Variants in MYBBP1A observed in about 807,000 individuals in gnomAD.
MYBBP1A encodes the protein myb-binding protein 1A.
In MYBBP1A, 147 loss-of-function variants were observed where a neutral mutation model predicts 136.3. That is an observed-to-expected ratio of 1.08 (90% confidence interval 0.94 to 1.24). The LOEUF is 1.24. Among genes scored for constraint, MYBBP1A ranks in the 50% most tolerant of loss-of-function variants. The probability of loss-of-function intolerance (pLI) is 0.00; values close to 1 mark genes in which losing one functional copy is unlikely to be tolerated. For synonymous variants in MYBBP1A, 947 were observed against 735.8 expected (o/e 1.29, Z -4.65); for missense variants, 2,060 against 1,727.4 (o/e 1.19, Z -3.41).
intron 1 of MYBBP1A, 83 bp from the exon 2 acceptor site, chr17:4,555,039 C>T: frequency 1.3e-6 from 2 of 1,586,408 alleles, no homozygotes; most frequent in South Asian, 2.2e-5. Flanking sequence ...GGTTCGCGAC[C>T]ACGTGCCCCC....
At chr17:4,547,236 C>T (rs2144471001) in intron 13 of MYBBP1A, among the ~76,000 whole-genome samples, 1 of 152,258 alleles carries the variant, frequency 6.6e-6, no homozygotes, top group African/African-American at 2.4e-5. Context: ...AAGGCTCTGA[C>T]ACAGCAAACT....
At chr17:4,545,565 C>G in intron 15 of MYBBP1A, 45 bp downstream of exon 15, 1 of 1,540,238 alleles carries the variant, frequency 6.5e-7, no homozygotes, top group Non-Finnish European at 8.7e-7. Context: ...GCTCGCTGCT[C>G]AGTGAGCCCC....
rs779272084 is a variant in MYBBP1A at position 4,552,182 on chromosome 17, C to T, written c.848G>A (p.Arg283Gln). Reference sequence around the variant, plus strand: ...TTGTTCCACCACCTCCTTCCAGAACCGTGGGAACTTGTCTTCCTTGAGTGC... The same window carrying T: ...TTGTTCCACCACCTCCTTCCAGAACTGTGGGAACTTGTCTTCCTTGAGTGC... ...RLALKEDKFPRFWKEVVEQGL... is the reference protein window; with the variant it reads ...RLALKEDKFPQFWKEVVEQGL... Residue 283 changes from arginine to glutamine, a missense_variant, in exon 7 of 26, where the codon CGG becomes CAG. By Grantham distance (43) the Arg-to-Gln change is conservative (BLOSUM62 1). Coordinates refer to ENST00000254718, the MANE Select transcript of MYBBP1A (RefSeq NM_014520.4). The surrounding 1 kb of genome is among the most constrained non-coding windows in gnomAD (Gnocchi z 4.7). 86 of 1,614,220 alleles carry T rather than the reference C, an allele frequency of 5.3e-5. No individual in the cohort carries two copies. The South Asian group carries it at 6.4e-4, about 12-fold the overall frequency.
rs764067394 is a variant in MYBBP1A, at chr17:4,555,163, C to T, written c.162G>A (p.Thr54=). ...KPEQETRLAA[T]EKLLEYLRGR... The stretch of plus-strand genomic sequence containing the variant: ...CACGCAGATACTCCAGCAGCTTCTC[C>T]GTGGCCGCAAGTCGCGTCTCCTGCT... Residue 54 remains threonine (T), a synonymous_variant, in exon 1 of 26, where the codon ACG becomes ACA. Transcript: ENST00000254718. 9.4e-6 allele frequency: 15 copies of T among 1,602,254 alleles called. No homozygotes were observed. In the Middle Eastern group the frequency reaches 5.0e-4, roughly 53 times the overall value.
At chr17:4,541,412 A>G (rs1906409725) in intron 24 of MYBBP1A, 51 bp downstream of exon 24, 2 of 1,518,204 alleles carry the variant, frequency 1.3e-6, no homozygotes, top group Non-Finnish European at 1.8e-6. Flanking sequence ...GGAGGCCCCA[A>G]GGCCCCCAAG....
chr17:4,554,187 A>T lies in MYBBP1A; in HGVS notation c.378+8T>A. 1.9e-6 allele frequency: 3 copies of T among 1,613,394 alleles called. No individual in the cohort carries two copies. The highest frequency in any genetic ancestry group is 1.7e-6 in the Non-Finnish European group (2 of 1,179,826). On this transcript the variant is annotated splice_region_variant and intron_variant, in intron 3 of 25. Transcript: ENST00000254718. ...TGGGGCTGCTGACCTCCCTGGCCCCACTCTCACCTTCTTCACCTGATGCAG... is the reference window on the plus strand; with the variant it reads ...TGGGGCTGCTGACCTCCCTGGCCCCTCTCTCACCTTCTTCACCTGATGCAG...
chr17:4,548,323 T>C lies in MYBBP1A; in HGVS notation c.1557-13A>G, dbSNP rs1248450025. The C allele has an allele frequency of 1.2e-6, 2 of 1,610,528 alleles. No individual in the cohort carries two copies. Among genetic ancestry groups the C allele is most frequent in the Admixed American group, 1.7e-5 (1 of 59,988 alleles). ...GGTCTGCAACAGACTGGGCAAGGGA[T>C]GGGGCTTGGGGTCAGCAGACCAGAT... On this transcript the variant is annotated splice_polypyrimidine_tract_variant and intron_variant, in intron 11 of 25. Transcript: ENST00000254718. The surrounding 1 kb of genome is among the most constrained non-coding windows in gnomAD (Gnocchi z 4.2).
Position 4,545,167 on chromosome 17 carries a change from G to A in MYBBP1A, c.2169C>T (p.Ser723=), listed in dbSNP as rs148999986. 1,316 of 1,612,840 alleles carry A rather than the reference G, an allele frequency of 8.2e-4. 2 individuals are homozygous for A. Among genetic ancestry groups the A allele is most frequent in the African/African-American group, 9.9e-4 (74 of 74,690 alleles). Residue 723 remains serine (S), a synonymous_variant, in exon 17 of 26, where the codon AGC becomes AGT. Transcript: ENST00000254718. ...AGCTTCTGTTGTCCTCACCTTCCTC[G>A]CTCTTGTCCTGTGTGGTAGAGGCAG... ...ERRLKGAEDK[S]EEGEDNRSSE...
intron 2 of MYBBP1A, 47 bp downstream of exon 2, chr17:4,554,814 C>T (rs779654230): frequency 6.3e-7 from 1 of 1,581,906 alleles, no homozygotes; most frequent in South Asian, 1.1e-5. Context: ...TCATACCCCA[C>T]CATTTTGACC....
chr17:4,542,314 C>T lies in MYBBP1A; in HGVS notation c.3087+150G>A. The T allele has an allele frequency of 3.4e-6, 3 of 892,808 alleles. No individual in the cohort carries two copies. In the East Asian group the frequency reaches 7.4e-5, roughly 22 times the overall value. The allele number at this position is 892,808 out of a possible 1,614,324, so 55.3% of individuals were successfully genotyped here. ...AGGGCACGGCCACCCCCTTCAGAGA[C>T]CATGTACCCACAGCCAAGCCAGTGG... is the stretch of plus-strand genomic sequence containing the variant. On this transcript the variant is annotated intron_variant, in intron 22 of 25. Transcript: ENST00000254718.
Position 4,545,598 on chromosome 17 carries a change from G to A in MYBBP1A, c.2073+12C>T. ...CCCAGCCCACATTCCACTCCCAAAG[G>A]TCCCAACTCACATCCAGAATTAGCT... On this transcript the variant is annotated intron_variant, in intron 15 of 25. Coordinates refer to ENST00000254718, the MANE Select transcript of MYBBP1A (RefSeq NM_014520.4). 6.4e-7 allele frequency: 1 copy of A among 1,571,004 alleles called. No homozygotes were observed. Among genetic ancestry groups the A allele is most frequent in the Non-Finnish European group, 8.7e-7 (1 of 1,154,680 alleles).
Position 4,547,941 on chromosome 17 carries a change from C to G in MYBBP1A, c.1824+17G>C, listed in dbSNP as rs1188795119. On this transcript the variant is annotated intron_variant, in intron 13 of 25. Coordinates refer to ENST00000254718, the MANE Select transcript of MYBBP1A (RefSeq NM_014520.4). ...AGAACCCCAGGCTCACAGCCCCTCCCTCCCAGGCCCCAGTACCTTGAGGAG... is the reference window on the plus strand; with the variant it reads ...AGAACCCCAGGCTCACAGCCCCTCCGTCCCAGGCCCCAGTACCTTGAGGAG... 1.4e-6 allele frequency: 2 copies of G among 1,464,746 alleles called. No homozygotes were observed. Among genetic ancestry groups the G allele is most frequent in the South Asian group, 1.4e-5 (1 of 71,834 alleles). The allele number at this position is 1,464,746 out of a possible 1,614,324, so 90.7% of individuals were successfully genotyped here. A position where few individuals can be genotyped will look rare whatever the true frequency, so the allele number is the denominator to read the frequency against.
Position 4,541,453 on chromosome 17 carries a change from C to T in MYBBP1A, c.3297+10G>A. On this transcript the variant is annotated intron_variant, in intron 24 of 25. Coordinates refer to ENST00000254718, the MANE Select transcript of MYBBP1A (RefSeq NM_014520.4). ...CCCGAACACGACCGCGGACTGGGCC[C>T]CCGCCTCACCTCATGTTTGCAGGTC... is the stretch of plus-strand genomic sequence containing the variant. 1 of 1,611,352 alleles carries T rather than the reference C, an allele frequency of 6.2e-7. No homozygotes were observed. Among genetic ancestry groups the T allele is most frequent in the South Asian group, 1.1e-5 (1 of 91,058 alleles).
At chr17:4,549,104 G>A (rs1229155699) in intron 10 of MYBBP1A, among the ~76,000 whole-genome samples, 1 of 152,236 alleles carries the variant, frequency 6.6e-6, no homozygotes, top group Non-Finnish European at 1.5e-5. Context: ...TGCCTGCAGG[G>A]CGCGCAGAGC....
At chr17:4,544,342 A>T in intron 19 of MYBBP1A, 147 bp downstream of exon 19, 1 of 1,028,478 alleles carries the variant, frequency 9.7e-7, no homozygotes, top group Admixed American at 2.4e-5. Flanking sequence ...GTGTGCCTCT[A>T]GGGCTGAGCA....
At position 4,552,832 on chromosome 17, in the gene MYBBP1A, C is replaced by G. The variant is rs200848683; in HGVS notation, c.562-206G>C. Among the ~76,000 whole-genome samples the G allele has an allele frequency of 3.1e-5, 2 of 64,040 alleles. No homozygotes were observed. The highest frequency in any genetic ancestry group is 9.0e-4 in the South Asian group (1 of 1,106). The allele number at this position is 64,040 out of a possible 152,430, so 42.0% of individuals were successfully genotyped here. A position where few individuals can be genotyped will look rare whatever the true frequency, so the allele number is the denominator to read the frequency against. ...CTGGCCCCTGGAGGTACCTGCCCCCCACCCCTTATTTTTTTTTTTTAAGAC... is the reference window on the plus strand; with the variant it reads ...CTGGCCCCTGGAGGTACCTGCCCCCGACCCCTTATTTTTTTTTTTTAAGAC... On this transcript the variant is annotated intron_variant, in intron 5 of 25. Coordinates refer to ENST00000254718, the MANE Select transcript of MYBBP1A (RefSeq NM_014520.4). This position sits in a 1 kb window ranked among gnomAD's most constrained non-coding sequence, Gnocchi z 4.7.
chr17:4,544,453 C>T (rs764893450), intron 19 of MYBBP1A, 36 bp downstream of exon 19: 179 of 1,541,514 alleles, frequency 1.2e-4, no homozygotes, highest in East Asian at 2.4e-4. Context: ...TGGGGGCTGC[C>T]GGCCACACCT....
chr17:4,539,914 C>T lies in MYBBP1A; in HGVS notation c.3488G>A (p.Ser1163Asn), dbSNP rs1403298649. ...DAKEIPSATQ[S>N]PISKKRKKKG... ...TTTCTTCCGCTTCTTACTGATGGGG[C>T]TCTGGGTGGCACTGGGGATCTCCTT... The change falls in exon 26 of 26, where the codon AGC becomes AAC. Residue 1163 changes from serine (S) to asparagine (N), a missense_variant. Transcript: ENST00000254718. The T allele has an allele frequency of 6.2e-7, 1 of 1,600,276 alleles. No individual in the cohort carries two copies. The highest frequency in any genetic ancestry group is 8.5e-7 in the Non-Finnish European group (1 of 1,179,956).
intron 2 of MYBBP1A, 40 bp downstream of exon 2, chr17:4,554,821 G>T: frequency 6.3e-7 from 1 of 1,593,868 alleles, no homozygotes; most frequent in South Asian, 1.1e-5. Flanking sequence ...CCACCATTTT[G>T]ACCTGGATGG....
Sources: gnomAD v4.1 joint callset for allele counts (sites outside exome capture counted in the v4.1 genomes callset) on GRCh38, gnomAD v4.1.1 for gene constraint, Gnocchi (gnomAD v3.1) non-coding constraint, MANE v1.5 for transcripts, NCBI Gene and HGNC (gene_info 2026-07-23, HGNC 2026-07-21) for gene names.